The following DGKB variants were observed in gnomAD, a reference collection of about 807,000 sequenced individuals.
The protein encoded by DGKB is diacylglycerol kinase beta, also known as 90 kDa diacylglycerol kinase.
In DGKB, 67 loss-of-function variants were observed where a neutral mutation model predicts 114.3. That is an observed-to-expected ratio of 0.59 (90% CI 0.48 to 0.72). DGKB has a LOEUF of 0.72. Ranked by LOEUF, DGKB falls within the 30% of genes least tolerant of loss-of-function variation. DGKB has a pLI of 0.00. For missense variants in DGKB, 907 were observed against 975.2 expected, an observed-to-expected ratio of 0.93 and a Z score of 0.93; for synonymous variants, 398 against 323.1, an observed-to-expected ratio of 1.23 and a Z score of -2.49.
chr7:14,717,776 G>A (rs1195505398), intron 6 of DGKB, among the ~76,000 whole-genome samples: 1 of 151,940 alleles, frequency 6.6e-6, no homozygotes, highest in African/African-American at 2.4e-5. Flanking sequence ...AAATTTATCA[G>A]GTTATTGAGT....
intron 23 of DGKB, among the ~76,000 whole-genome samples, chr7:14,270,048 C>CA (rs397889901): frequency 0.05 from 2,626 of 52,852 alleles, 415 homozygotes; most frequent in African/African-American, 0.15. Context: ...GCTTTTTTTG[C>CA]AAAAAAAAAA....
chr7:14,290,792 C>T (rs1373832268), intron 23 of DGKB, among the ~76,000 whole-genome samples: 2 of 152,152 alleles, frequency 1.3e-5, no homozygotes, highest in African/African-American at 4.8e-5. Flanking sequence ...CAGGTAGCAA[C>T]AGGCACCATA....
intron 23 of DGKB, among the ~76,000 whole-genome samples, chr7:14,240,574 T>C (rs10249212): frequency 0.68 from 102,504 of 151,856 alleles, 35,664 homozygotes; most frequent in African/African-American, 0.85. Context: ...AAAAATGAAC[T>C]ATGTCTCTCT....
At chr7:14,559,243 T>C (rs1054095857) in intron 20 of DGKB, among the ~76,000 whole-genome samples, 5 of 152,264 alleles carry the variant, frequency 3.3e-5, no homozygotes, top group Non-Finnish European at 7.3e-5. Context: ...ATCAATTATT[T>C]TTCCTTGCAG....
intron 13 of DGKB, among the ~76,000 whole-genome samples, chr7:14,633,856 G>C (rs1810223107): frequency 6.6e-6 from 1 of 151,410 alleles, no homozygotes; most frequent in South Asian, 2.1e-4. Context: ...TTTGCCTTCA[G>C]GGCACTCATT....
At chr7:14,799,800 G>T (rs1272820319) in intron 2 of DGKB, among the ~76,000 whole-genome samples, 1 of 152,196 alleles carries the variant, frequency 6.6e-6, no homozygotes, top group Non-Finnish European at 1.5e-5. Flanking sequence ...TGACAATTGG[G>T]CCATATGAAC....
intron 1 of DGKB, among the ~76,000 whole-genome samples, chr7:14,930,470 T>C (rs960133917): frequency 5.9e-5 from 9 of 152,188 alleles, no homozygotes; most frequent in African/African-American, 2.2e-4. Flanking sequence ...TTTTTATAGC[T>C]ATTGTAAATG....
At chr7:14,581,007 G>T in intron 18 of DGKB, 56 bp from the exon 19 acceptor site, 2 of 1,277,948 alleles carry the variant, frequency 1.6e-6, no homozygotes, top group East Asian at 2.5e-5. Flanking sequence ...ATAAAACGAC[G>T]GAAATAAAAA....
chr7:14,594,237 T>C (rs975106895), intron 17 of DGKB, among the ~76,000 whole-genome samples: 2 of 152,130 alleles, frequency 1.3e-5, no homozygotes, highest in Non-Finnish European at 2.9e-5. Flanking sequence ...AGTATTTTCA[T>C]ACTGTATTTA....
intron 21 of DGKB, among the ~76,000 whole-genome samples, chr7:14,389,651 C>A (rs577754703): frequency 4.4e-4 from 67 of 152,296 alleles, no homozygotes; most frequent in African/African-American, 1.5e-3. Context: ...CGAAATCAAT[C>A]AAAAACCTGT....
Position 14,269,124 on chromosome 7 carries a change from T to A in DGKB, c.2122+69391A>T, listed in dbSNP as rs557160859. On this transcript the variant is annotated intron_variant, in intron 23 of 25. Coordinates refer to ENST00000402815, the MANE Select transcript of DGKB (RefSeq NM_001350709.2). The stretch of plus-strand genomic sequence containing the variant: ...CTCAGAGGCTATCGGCAGAAAGCCT[T>A]AGCTCCTTGCCATGCTGACTTTTCT... The A allele has an allele frequency of 2.8e-3, 424 of 152,416 alleles. 3 individuals are homozygous for A. Among genetic ancestry groups the A allele is most frequent in the African/African-American group, 9.7e-3 (404 of 41,578 alleles). 9.4% of individuals were successfully genotyped at this position (152,416 alleles called of 1,614,324 possible). A position where few individuals can be genotyped will look rare whatever the true frequency, so the allele number is the denominator to read the frequency against.
At chr7:14,750,215 C>T (rs745569529) in intron 4 of DGKB, 21 of 506,238 alleles carry the variant, frequency 4.1e-5, no homozygotes, top group Middle Eastern at 3.2e-4. Flanking sequence ...ATAGTTAAAG[C>T]ATAATTTTCT....
At chr7:14,817,415 C>G (rs1197785050) in intron 2 of DGKB, among the ~76,000 whole-genome samples, 4 of 151,984 alleles carry the variant, frequency 2.6e-5, no homozygotes, top group Non-Finnish European at 5.9e-5. Context: ...GAAATCTAGC[C>G]AGATGCTATG....
chr7:14,316,247 T>C (rs1396799177), intron 23 of DGKB, among the ~76,000 whole-genome samples: 2 of 151,042 alleles, frequency 1.3e-5, no homozygotes, highest in Non-Finnish European at 2.9e-5. Context: ...AGCAAACACA[T>C]TCCAAAGCTA....
At chr7:14,319,939 C>G in intron 23 of DGKB, among the ~76,000 whole-genome samples, 1 of 152,182 alleles carries the variant, frequency 6.6e-6, no homozygotes, top group Non-Finnish European at 1.5e-5. Context: ...TGTATTCTCA[C>G]CTTGGGCTAC....
At chr7:14,218,404 A>G (rs902164037) in intron 23 of DGKB, among the ~76,000 whole-genome samples, 3 of 152,132 alleles carry the variant, frequency 2.0e-5, no homozygotes, top group African/African-American at 7.2e-5. Context: ...AAAGCATTCA[A>G]TAGTTAAATA....
At chr7:14,244,277 C>T (rs1398475455) in intron 23 of DGKB, among the ~76,000 whole-genome samples, 1 of 152,084 alleles carries the variant, frequency 6.6e-6, no homozygotes, top group Non-Finnish European at 1.5e-5. Flanking sequence ...TTCATAAGAG[C>T]CTTTAGCTCA....
intron 2 of DGKB, among the ~76,000 whole-genome samples, chr7:14,801,156 A>G (rs867818804): frequency 7.0e-4 from 107 of 152,232 alleles, no homozygotes; most frequent in Middle Eastern, 3.4e-3. Flanking sequence ...TTAATTCTAC[A>G]TCATAGGACT....
intron 23 of DGKB, among the ~76,000 whole-genome samples, chr7:14,313,499 AG>A (rs199628495): frequency 0.026 from 3,947 of 152,230 alleles, 152 homozygotes; most frequent in African/African-American, 0.09. Flanking sequence ...TCCTAATCAA[AG>A]AAAGGGGTGA....
Sources: allele counts gnomAD v4.1 joint callset (sites outside exome capture counted in the v4.1 genomes callset), GRCh38; gene constraint gnomAD v4.1.1; transcripts MANE v1.5; gene names NCBI Gene and HGNC (gene_info 2026-07-23, HGNC 2026-07-21).